NPAS3: variants seen among roughly 807,000 people sequenced by gnomAD.
NPAS3 encodes neuronal PAS domain-containing protein 3.
Under a neutral mutation model 73.1 loss-of-function variants are expected in NPAS3, and 14 were observed. That is an observed-to-expected ratio of 0.19 (90% confidence interval 0.13 to 0.30). The LOEUF is 0.30. Among genes scored for constraint, NPAS3 ranks in the 10% least tolerant of loss-of-function variants. The probability of loss-of-function intolerance (pLI) is 1.00; values close to 1 mark genes in which losing one functional copy is unlikely to be tolerated. For synonymous variants in NPAS3, 620 were observed against 541.5 expected (o/e 1.14, Z -2.01); for missense variants, 1,096 against 1,250.0 (o/e 0.88, Z 1.86).
chr14:33,120,092 C>A (rs1464777572), intron 2 of NPAS3, among the ~76,000 whole-genome samples: 1 of 151,994 alleles, frequency 6.6e-6, no homozygotes, highest in Non-Finnish European at 1.5e-5. Flanking sequence ...TCCCGACTAG[C>A]TGGGATTATA....
chr14:33,161,056 G>A (rs559391256), intron 2 of NPAS3, among the ~76,000 whole-genome samples: 12 of 140,888 alleles, frequency 8.5e-5, no homozygotes, highest in African/African-American at 2.2e-4. Context: ...TTTAGTATGC[G>A]TTCATGTACT....
intron 5 of NPAS3, chr14:33,612,289 C>A: frequency 2.4e-6 from 1 of 412,296 alleles, no homozygotes; most frequent in Non-Finnish European, 4.9e-6. Context: ...CTCTCTCTTT[C>A]CATTCACATT....
chr14:33,219,819 A>ACT, intron 3 of NPAS3, among the ~76,000 whole-genome samples: 1 of 152,300 alleles, frequency 6.6e-6, no homozygotes. Context: ...CCCCAAAATT[A>ACT]GATAGCATTT....
intron 7 of NPAS3, among the ~76,000 whole-genome samples, chr14:33,746,894 GT>G (rs1243232414): frequency 1.2e-5 from 1 of 81,354 alleles, no homozygotes; most frequent in Non-Finnish European, 2.7e-5. Context: ...TCCCTCCCCC[GT>G]CCCCCCACCC....
chr14:33,067,403 TG>T (rs1325160328), intron 2 of NPAS3, among the ~76,000 whole-genome samples: 1 of 152,238 alleles, frequency 6.6e-6, no homozygotes, highest in African/African-American at 2.4e-5. Flanking sequence ...GTCTCCCCCT[TG>T]GGGATTTCAT....
At chr14:33,660,431 G>A (rs920748650) in intron 5 of NPAS3, among the ~76,000 whole-genome samples, 2 of 152,168 alleles carry the variant, frequency 1.3e-5, no homozygotes, top group African/African-American at 2.4e-5. Context: ...AAAGTTGCCC[G>A]TAAATCCCTG....
intron 7 of NPAS3, among the ~76,000 whole-genome samples, chr14:33,753,158 A>G (rs1459441658): frequency 6.6e-6 from 1 of 152,072 alleles, no homozygotes; most frequent in Non-Finnish European, 1.5e-5. Context: ...AAGCAATGTG[A>G]GGTTGGAAAA....
chr14:33,482,683 TG>T (rs1280118689), intron 4 of NPAS3, among the ~76,000 whole-genome samples: 1 of 152,058 alleles, frequency 6.6e-6, no homozygotes, highest in East Asian at 1.9e-4. Context: ...CTGCCACACC[TG>T]GCAGAAGAGA....
chr14:33,390,165 A>C (rs1306734061), intron 4 of NPAS3, among the ~76,000 whole-genome samples: 1 of 152,216 alleles, frequency 6.6e-6, no homozygotes, highest in East Asian at 1.9e-4. Context: ...GCTTTGTAAG[A>C]AAGGTGAAAA....
chr14:33,020,401 A>G (rs1287734770), intron 1 of NPAS3, among the ~76,000 whole-genome samples: 3 of 152,242 alleles, frequency 2.0e-5, no homozygotes, highest in Admixed American at 6.5e-5. Context: ...CAGTTTACTC[A>G]TCTGCAAAAT....
intron 3 of NPAS3, among the ~76,000 whole-genome samples, chr14:33,297,239 C>T (rs2140135140): frequency 6.6e-6 from 1 of 152,232 alleles, no homozygotes; most frequent in African/African-American, 2.4e-5. Context: ...TCAGTTTCCT[C>T]ATCTGTAAAA....
chr14:33,506,057 A>G (rs1422674682), intron 4 of NPAS3, among the ~76,000 whole-genome samples: 1 of 151,842 alleles, frequency 6.6e-6, no homozygotes, highest in African/African-American at 2.4e-5. Flanking sequence ...GCAACACTCT[A>G]TCTTATCCTG....
chr14:33,594,149 G>A (rs1189994857), intron 5 of NPAS3, among the ~76,000 whole-genome samples: 2 of 152,094 alleles, frequency 1.3e-5, no homozygotes, highest in African/African-American at 4.8e-5. Flanking sequence ...AAATTATCAG[G>A]TGCTCAAGCT....
intron 2 of NPAS3, among the ~76,000 whole-genome samples, chr14:33,095,657 CTTTTATTTTTTTA>C: frequency 1.0e-5 from 1 of 97,678 alleles, no homozygotes; most frequent in East Asian, 2.3e-4. Flanking sequence ...GCATTCTCTG[CTTTTATTTTTTTA>C]TTTTTTTTTT....
chr14:33,489,022 C>G (rs1313251724), intron 4 of NPAS3, among the ~76,000 whole-genome samples: 1 of 152,170 alleles, frequency 6.6e-6, no homozygotes, highest in African/African-American at 2.4e-5. Context: ...CCTTAACTCG[C>G]TTTGAAGGTG....
intron 4 of NPAS3, among the ~76,000 whole-genome samples, chr14:33,516,217 G>C (rs887025256): frequency 3.9e-5 from 6 of 152,134 alleles, no homozygotes; most frequent in Admixed American, 2.6e-4. Flanking sequence ...CAGAGCCTCT[G>C]TGTTTTACTT....
intron 5 of NPAS3, among the ~76,000 whole-genome samples, chr14:33,638,064 G>C (rs2140167459): frequency 6.6e-6 from 1 of 152,236 alleles, no homozygotes; most frequent in South Asian, 2.1e-4. Flanking sequence ...AAACTGAGCA[G>C]ACTTATTTTT....
At chr14:33,484,684 T>TA (rs1197866097) in intron 4 of NPAS3, among the ~76,000 whole-genome samples, 2 of 152,172 alleles carry the variant, frequency 1.3e-5, no homozygotes, top group Admixed American at 1.3e-4. Flanking sequence ...ACCTGGTCCA[T>TA]AAGCCACTGT....
At chr14:33,256,384 A>G (rs117625617) in intron 3 of NPAS3, among the ~76,000 whole-genome samples, 2,805 of 152,262 alleles carry the variant, frequency 0.018, 44 homozygotes, top group Middle Eastern at 0.037. Flanking sequence ...TTGGATTGTA[A>G]TTATTTTGAT....
Sources: gnomAD v4.1 joint callset for allele counts (sites outside exome capture counted in the v4.1 genomes callset) on GRCh38, gnomAD v4.1.1 for gene constraint, MANE v1.5 for transcripts, NCBI Gene and HGNC (gene_info 2026-07-23, HGNC 2026-07-21) for gene names.